KCNIP1: variants seen among roughly 807,000 people sequenced by gnomAD.
KCNIP1 encodes A-type potassium channel modulatory protein KCNIP1.
A neutral mutation model predicts 33.0 loss-of-function variants in KCNIP1; 18 were observed. The ratio of observed to expected loss-of-function variants is 0.55; its 90% confidence interval spans 0.38 to 0.81. KCNIP1 has a LOEUF of 0.81. Ranked by LOEUF, KCNIP1 falls within the 30% of genes least tolerant of loss-of-function variation. KCNIP1 has a pLI of 0.00. For synonymous variants in KCNIP1, 93 were observed against 98.3 expected (o/e 0.95, Z 0.32); for missense variants, 238 against 271.6 (o/e 0.88, Z 0.87).
At chr5:170,442,268 C>T (rs1315805462) in intron 1 of KCNIP1, among the ~76,000 whole-genome samples, 1 of 152,194 alleles carries the variant, frequency 6.6e-6, no homozygotes, top group Non-Finnish European at 1.5e-5. Context: ...GAAAAGGCCA[C>T]ATAGCTGGGA....
chr5:170,629,959 C>T (rs532300432), intron 1 of KCNIP1, among the ~76,000 whole-genome samples: 75 of 152,334 alleles, frequency 4.9e-4, no homozygotes, highest in South Asian at 2.1e-3. Flanking sequence ...GGGGCTGAGG[C>T]GGGCAAGGCA....
chr5:170,593,162 T>C (rs1226645768), intron 1 of KCNIP1, among the ~76,000 whole-genome samples: 2 of 152,222 alleles, frequency 1.3e-5, no homozygotes, highest in Non-Finnish European at 2.9e-5. Flanking sequence ...GCACATATAC[T>C]ACATTTAAAA....
At chr5:170,560,354 C>A (rs1409302484) in intron 1 of KCNIP1, among the ~76,000 whole-genome samples, 3 of 152,220 alleles carry the variant, frequency 2.0e-5, no homozygotes, top group African/African-American at 7.2e-5. Flanking sequence ...GGTTTCAGAT[C>A]TGCTGGAGGA....
chr5:170,355,708 AGT>A (rs1487011209), intron 1 of KCNIP1, among the ~76,000 whole-genome samples: 1 of 152,224 alleles, frequency 6.6e-6, no homozygotes, highest in African/African-American at 2.4e-5. Flanking sequence ...GCAACATCAG[AGT>A]GTTGGCCTCT....
At chr5:170,439,116 G>T (rs1273116358) in intron 1 of KCNIP1, among the ~76,000 whole-genome samples, 2 of 152,186 alleles carry the variant, frequency 1.3e-5, no homozygotes, top group African/African-American at 4.8e-5. Context: ...AAAACAATCA[G>T]TTGTACTCAC....
At chr5:170,620,309 A>C (rs1759553044) in intron 1 of KCNIP1, among the ~76,000 whole-genome samples, 1 of 152,230 alleles carries the variant, frequency 6.6e-6, no homozygotes. Context: ...TGAACCCAGC[A>C]GCTTAATTCC....
intron 1 of KCNIP1, among the ~76,000 whole-genome samples, chr5:170,673,709 A>T (rs1475159373): frequency 1.3e-5 from 2 of 152,178 alleles, no homozygotes; most frequent in Non-Finnish European, 1.5e-5. Context: ...GACTGAATGT[A>T]TCTTCCTGGG....
intron 1 of KCNIP1, among the ~76,000 whole-genome samples, chr5:170,429,671 T>G (rs768976619): frequency 2.6e-5 from 4 of 152,208 alleles, no homozygotes; most frequent in Admixed American, 6.5e-5. Context: ...TCTACATCCA[T>G]GTATACAGGT....
At chr5:170,655,570 G>C (rs1761227055) in intron 1 of KCNIP1, among the ~76,000 whole-genome samples, 2 of 152,190 alleles carry the variant, frequency 1.3e-5, no homozygotes, top group South Asian at 4.1e-4. Context: ...TGTGTTGCTA[G>C]GCATTTGGAG....
chr5:170,490,589 C>T (rs1392733629), intron 1 of KCNIP1, among the ~76,000 whole-genome samples: 1 of 152,170 alleles, frequency 6.6e-6, no homozygotes, highest in African/African-American at 2.4e-5. Context: ...GATGTTACCA[C>T]TGGGGGAAAC....
rs972628398 is a variant in KCNIP1, at chr5:170,504,179, G to A, written c.-394G>A. 9.9e-7 allele frequency: 1 copy of A among 1,013,980 alleles called. No homozygotes were observed. The highest frequency in any genetic ancestry group is 1.7e-5 in the African/African-American group (1 of 58,292). The allele number at this position is 1,013,980 out of a possible 1,614,324, so 62.8% of individuals were successfully genotyped here. A position where few individuals can be genotyped will look rare whatever the true frequency, so the allele number is the denominator to read the frequency against. On this transcript the variant is annotated 5_prime_UTR_variant, in exon 1 of 8. Coordinates refer to ENST00000328939, the MANE Select transcript of KCNIP1 (RefSeq NM_014592.4). This position sits in a 1 kb window ranked among gnomAD's most constrained non-coding sequence, Gnocchi z 6.0. ...GGGAGCCGAGTGTGCGGCAGGAGGG[G>A]CGGGCGGACGGCGGCTCCCGCACCG...
intron 1 of KCNIP1, among the ~76,000 whole-genome samples, chr5:170,411,954 A>T (rs376399092): frequency 8.5e-5 from 13 of 152,168 alleles, no homozygotes; most frequent in Admixed American, 3.3e-4. Flanking sequence ...GTTATGGAAG[A>T]TTCCAGAAAG....
chr5:170,402,844 TCA>T (rs1254858876), intron 1 of KCNIP1, among the ~76,000 whole-genome samples: 1 of 152,204 alleles, frequency 6.6e-6, no homozygotes, highest in Non-Finnish European at 1.5e-5. Context: ...TACTTATTCT[TCA>T]TTCATGTAAT....
rs545041156 is a variant in KCNIP1, at chr5:170,368,953, T to A, written c.88+14989T>A. Among the ~76,000 whole-genome samples, 4 of 152,276 alleles carry A rather than the reference T, an allele frequency of 2.6e-5. No individual in the cohort carries two copies. In the South Asian group the frequency reaches 8.3e-4, roughly 32 times the overall value. ...AATGGTTCAGAAACACAAATTCGCA[T>A]GTGCACAGAGAGAGACAGAGACAGA... On this transcript the variant is annotated intron_variant, in intron 1 of 7. Transcript: ENST00000377360.
chr5:170,610,277 C>T (rs78604803), intron 1 of KCNIP1, among the ~76,000 whole-genome samples: 4 of 152,320 alleles, frequency 2.6e-5, no homozygotes, highest in East Asian at 1.9e-4. Context: ...ACATTGATAT[C>T]GCAGAGAAAT....
chr5:170,367,230 G>A (rs901290494), intron 1 of KCNIP1, among the ~76,000 whole-genome samples: 22 of 151,610 alleles, frequency 1.5e-4, no homozygotes, highest in African/African-American at 4.6e-4. Context: ...CAGGAGAATC[G>A]CTTGAACCAG....
Position 170,504,947 on chromosome 5 carries a change from T to C in KCNIP1, c.61+314T>C, listed in dbSNP as rs141960046. Among the ~76,000 whole-genome samples the C allele has an allele frequency of 3.2e-3, 482 of 152,294 alleles. 5 individuals carry two copies. The highest frequency in any genetic ancestry group is 0.014 in the Middle Eastern group (4 of 294). ...CACAGGTGGGGGTGACCGGATTCTC[T>C]GGTGGAAGTGTGGTGAAGCTCTTCC... On this transcript the variant is annotated intron_variant, in intron 1 of 7. Coordinates refer to ENST00000328939, the MANE Select transcript of KCNIP1 (RefSeq NM_014592.4). This position sits in a 1 kb window ranked among gnomAD's most constrained non-coding sequence, Gnocchi z 6.0.
intron 1 of KCNIP1, among the ~76,000 whole-genome samples, chr5:170,450,378 T>C (rs944405208): frequency 6.6e-6 from 1 of 152,168 alleles, no homozygotes; most frequent in Non-Finnish European, 1.5e-5. Flanking sequence ...GGACCCCGCA[T>C]CTACTCACAA....
intron 1 of KCNIP1, among the ~76,000 whole-genome samples, chr5:170,536,411 G>A (rs1212081449): frequency 1.3e-5 from 2 of 152,174 alleles, no homozygotes; most frequent in Non-Finnish European, 2.9e-5. Context: ...TGGAAAACGG[G>A]CAGAACCTTG....
Sources: gnomAD v4.1 joint callset for allele counts (sites outside exome capture counted in the v4.1 genomes callset) on GRCh38, gnomAD v4.1.1 for gene constraint, Gnocchi (gnomAD v3.1) non-coding constraint, MANE v1.5 for transcripts, NCBI Gene and HGNC (gene_info 2026-07-23, HGNC 2026-07-21) for gene names.